TRHDE: variants seen among roughly 807,000 people sequenced by gnomAD.
TRHDE encodes thyrotropin-releasing hormone-degrading ectoenzyme.
TRHDE carries 72 observed loss-of-function variants against 125.7 expected under a neutral mutation model. The observed-to-expected ratio is 0.57, with a 90% confidence interval of 0.47 to 0.70. TRHDE has a LOEUF of 0.70. Among genes scored for constraint, TRHDE ranks in the 30% least tolerant of loss-of-function variants. TRHDE has a pLI of 0.00. For synonymous variants in TRHDE, 509 were observed against 509.1 expected (o/e 1.00, Z 0.00); for missense variants, 1,110 against 1,327.1 (o/e 0.84, Z 2.54).
At chr12:72,430,412 T>C (rs1377127771) in intron 3 of TRHDE, among the ~76,000 whole-genome samples, 2 of 145,188 alleles carry the variant, frequency 1.4e-5, no homozygotes, top group African/African-American at 2.6e-5. Flanking sequence ...TATATATATG[T>C]GCATATATAT....
At chr12:72,538,463 TAA>T (rs1868979146) in intron 6 of TRHDE, among the ~76,000 whole-genome samples, 1 of 152,016 alleles carries the variant, frequency 6.6e-6, no homozygotes. Flanking sequence ...GTGCAAGTCA[TAA>T]AACAGAATAA....
intron 2 of TRHDE, among the ~76,000 whole-genome samples, chr12:72,249,243 C>T (rs10879382): frequency 0.77 from 116,870 of 152,018 alleles, 45,839 homozygotes; most frequent in Non-Finnish European, 0.85. Flanking sequence ...CATTCGTAAG[C>T]AAAACAAAAA....
intron 3 of TRHDE, among the ~76,000 whole-genome samples, chr12:72,445,166 A>AT (rs919106639): frequency 2.8e-4 from 42 of 149,676 alleles, no homozygotes; most frequent in East Asian, 5.9e-4. Flanking sequence ...CTCAGTTGGG[A>AT]TTTTTTTTTT....
At chr12:72,516,666 A>G (rs1292645250) in intron 6 of TRHDE, among the ~76,000 whole-genome samples, 10 of 151,572 alleles carry the variant, frequency 6.6e-5, no homozygotes, top group Non-Finnish European at 1.2e-4. Context: ...CCCTGGCCAG[A>G]ACTTCCAACA....
At chr12:72,573,727 AGAAT>A (rs1425625963) in intron 10 of TRHDE, among the ~76,000 whole-genome samples, 3 of 152,146 alleles carry the variant, frequency 2.0e-5, no homozygotes, top group African/African-American at 7.2e-5. Flanking sequence ...AATCAACATT[AGAAT>A]GTGAAAAATG....
intron 3 of TRHDE, among the ~76,000 whole-genome samples, chr12:72,404,152 G>T (rs1873166884): frequency 6.6e-6 from 1 of 152,144 alleles, no homozygotes; most frequent in Admixed American, 6.5e-5. Flanking sequence ...GGTGGCTCAT[G>T]CCTGTAATCC....
At chr12:72,500,321 A>G (rs1030812835) in intron 6 of TRHDE, among the ~76,000 whole-genome samples, 1 of 152,154 alleles carries the variant, frequency 6.6e-6, no homozygotes, top group Non-Finnish European at 1.5e-5. Flanking sequence ...GCCACTTAAT[A>G]ATAGTTAAAA....
intron 2 of TRHDE, among the ~76,000 whole-genome samples, chr12:72,330,945 G>A (rs1869565460): frequency 6.6e-6 from 1 of 152,200 alleles, no homozygotes; most frequent in East Asian, 1.9e-4. Context: ...GGGGTGGAGC[G>A]TGAGAATATG....
intron 7 of TRHDE, among the ~76,000 whole-genome samples, chr12:72,557,820 T>C (rs1405789178): frequency 3.9e-5 from 6 of 152,198 alleles, no homozygotes; most frequent in Non-Finnish European, 5.9e-5. Flanking sequence ...GCCTGACAAG[T>C]ATATACTGAA....
intron 3 of TRHDE, among the ~76,000 whole-genome samples, chr12:72,422,322 C>T (rs1873991634): frequency 4.6e-5 from 7 of 152,098 alleles, no homozygotes; most frequent in Admixed American, 4.6e-4. Context: ...TTACAACTTC[C>T]ACCATTTAAT....
intron 3 of TRHDE, among the ~76,000 whole-genome samples, chr12:72,465,151 T>C (rs1008140400): frequency 6.6e-6 from 1 of 152,184 alleles, no homozygotes; most frequent in African/African-American, 2.4e-5. Context: ...TTTAATTCGT[T>C]GTGAATTAAT....
At chr12:72,153,649 AT>A (rs1392189628) in intron 2 of TRHDE, among the ~76,000 whole-genome samples, 1 of 151,952 alleles carries the variant, frequency 6.6e-6, no homozygotes, top group Non-Finnish European at 1.5e-5. Context: ...TCATTTTGTT[AT>A]GTTCCCAGTA....
intron 2 of TRHDE, among the ~76,000 whole-genome samples, chr12:72,182,583 C>A (rs1487344437): frequency 6.6e-6 from 1 of 152,196 alleles, no homozygotes; most frequent in Admixed American, 6.5e-5. Context: ...CAGACCTCCC[C>A]TTATCCACTC....
intron 3 of TRHDE, among the ~76,000 whole-genome samples, chr12:72,418,691 C>T (rs369639756): frequency 1.3e-5 from 2 of 152,186 alleles, no homozygotes; most frequent in East Asian, 3.9e-4. Context: ...AAGTGCTTTG[C>T]AAACATTGTT....
chr12:72,185,410 C>G (rs1204296108), intron 2 of TRHDE, among the ~76,000 whole-genome samples: 1 of 152,256 alleles, frequency 6.6e-6, no homozygotes, highest in Non-Finnish European at 1.5e-5. Flanking sequence ...CCATCCACCA[C>G]CCAAGGGCTG....
At chr12:72,369,754 A>G (rs1294783457) in intron 2 of TRHDE, among the ~76,000 whole-genome samples, 1 of 152,146 alleles carries the variant, frequency 6.6e-6, no homozygotes, top group East Asian at 1.9e-4. Flanking sequence ...CTAAATGTTT[A>G]TAGAGTTTGG....
chr12:72,510,768 A>G (rs889248307), intron 6 of TRHDE, among the ~76,000 whole-genome samples: 4 of 152,196 alleles, frequency 2.6e-5, no homozygotes, highest in African/African-American at 9.6e-5. Context: ...TCATAAGGAA[A>G]ATGTGAACAA....
chr12:72,199,753 A>G (rs1017414368), intron 2 of TRHDE, among the ~76,000 whole-genome samples: 3 of 152,210 alleles, frequency 2.0e-5, no homozygotes, highest in African/African-American at 7.2e-5. Flanking sequence ...TGCTTTGTTC[A>G]TTATTCATTC....
chr12:72,638,689 G>A (rs1396812951), intron 15 of TRHDE, among the ~76,000 whole-genome samples: 1 of 151,790 alleles, frequency 6.6e-6, no homozygotes, highest in African/African-American at 2.4e-5. Context: ...AGCTCTTTTA[G>A]GGCAGGCCTG....
Sources: gnomAD v4.1 joint callset for allele counts (sites outside exome capture counted in the v4.1 genomes callset) on GRCh38, gnomAD v4.1.1 for gene constraint, MANE v1.5 for transcripts, NCBI Gene and HGNC (gene_info 2026-07-23, HGNC 2026-07-21) for gene names.